DERA: variants seen among roughly 807,000 people sequenced by gnomAD.
DERA encodes the protein deoxyribose-phosphate aldolase.
In DERA, 15 loss-of-function variants were observed where a neutral mutation model predicts 41.1. The observed-to-expected ratio is 0.37, with a 90% confidence interval of 0.24 to 0.56. The LOEUF is 0.56. Ranked by LOEUF, DERA falls within the 20% of genes least tolerant of loss-of-function variation. The probability of loss-of-function intolerance (pLI) is 0.81; values close to 1 mark genes in which losing one functional copy is unlikely to be tolerated. For synonymous variants in DERA, 139 were observed against 137.4 expected, an observed-to-expected ratio of 1.01 and a Z score of -0.08; for missense variants, 396 against 403.4, an observed-to-expected ratio of 0.98 and a Z score of 0.16.
At position 15,989,587 on chromosome 12, in the gene DERA, T is replaced by C. The variant is rs1365202025; in HGVS notation, c.637+7151T>C. On this transcript the variant is annotated intron_variant, in intron 6 of 8. Transcript: ENST00000428559. This position sits in a 1 kb window ranked among gnomAD's most constrained non-coding sequence, Gnocchi z 5.2. ...TAATTTTTTAGTGCCTGAGTTTTAT[T>C]GTTATTTATAGCAGGAGGGCGAGTC... 6.6e-6 allele frequency among the ~76,000 whole-genome samples: 1 copy of C among 152,244 alleles called. No individual in the cohort carries two copies. Among genetic ancestry groups the C allele is most frequent in the Non-Finnish European group, 1.5e-5 (1 of 68,048 alleles).
At chr12:16,018,212 T>C (rs1948996425) in intron 6 of DERA, among the ~76,000 whole-genome samples, 2 of 152,316 alleles carry the variant, frequency 1.3e-5, no homozygotes, top group African/African-American at 4.8e-5. Flanking sequence ...TCTTCTTGTT[T>C]CTATGAAGTC....
At chr12:15,997,776 T>C (rs1029954797) in intron 6 of DERA, among the ~76,000 whole-genome samples, 2 of 152,218 alleles carry the variant, frequency 1.3e-5, no homozygotes, top group African/African-American at 4.8e-5. Context: ...ATTGAACTTT[T>C]GCCTGTCACC....
chr12:15,982,265 C>T lies in DERA; in HGVS notation c.509-43C>T. 6.3e-7 allele frequency: 1 copy of T among 1,587,914 alleles called. No homozygotes were observed. On this transcript the variant is annotated intron_variant, in intron 5 of 8. Transcript: ENST00000428559. This position sits in a 1 kb window ranked among gnomAD's most constrained non-coding sequence, Gnocchi z 4.0. Reference sequence around the variant, plus strand: ...CTAAACGGCTGCCAAGTTATGTTATCACTTGCCTGCTTTGTAACTGCCTCA... The same window carrying T: ...CTAAACGGCTGCCAAGTTATGTTATTACTTGCCTGCTTTGTAACTGCCTCA...
Position 16,001,884 on chromosome 12 carries a change from C to A in DERA, c.637+19448C>A, listed in dbSNP as rs575370676. ...TTGGGAGCTTAGAGAGGAAACAAACCCCGGTATGGACTTTTCAGACAAAAT... is the reference window on the plus strand; with the variant it reads ...TTGGGAGCTTAGAGAGGAAACAAACACCGGTATGGACTTTTCAGACAAAAT... On this transcript the variant is annotated intron_variant, in intron 6 of 8. Transcript: ENST00000428559. This position sits in a 1 kb window ranked among gnomAD's most constrained non-coding sequence, Gnocchi z 4.1. Among the ~76,000 whole-genome samples the A allele has an allele frequency of 4.1e-4, 63 of 152,156 alleles. No homozygotes were observed. Among genetic ancestry groups the A allele is most frequent in the African/African-American group, 1.5e-3 (61 of 41,512 alleles).
intron 1 of DERA, among the ~76,000 whole-genome samples, chr12:15,912,064 GA>G (rs1360314494): frequency 6.6e-6 from 1 of 150,734 alleles, no homozygotes; most frequent in Non-Finnish European, 1.5e-5. Flanking sequence ...GTTTCTCGCA[GA>G]GGGGGATTTG....
At chr12:15,929,497 C>G (rs563762335) in intron 1 of DERA, among the ~76,000 whole-genome samples, 1 of 152,104 alleles carries the variant, frequency 6.6e-6, no homozygotes, top group African/African-American at 2.4e-5. Context: ...AATATCAGCT[C>G]AAGCCCTGTC....
At chr12:15,919,450 G>T (rs189756447) in intron 1 of DERA, among the ~76,000 whole-genome samples, 1 of 152,248 alleles carries the variant, frequency 6.6e-6, no homozygotes, top group African/African-American at 2.4e-5. Context: ...GAGAGCTCTG[G>T]CCCTTTTAAA....
intron 1 of DERA, among the ~76,000 whole-genome samples, chr12:15,952,015 C>T (rs1948501623): frequency 6.6e-6 from 1 of 152,068 alleles, no homozygotes; most frequent in South Asian, 2.1e-4. Flanking sequence ...GATTCTTCTG[C>T]CTCAGTCCCC....
At position 15,928,497 on chromosome 12, in the gene DERA, A is replaced by G. The variant is rs1272229998; in HGVS notation, c.31+17083A>G. On this transcript the variant is annotated intron_variant, in intron 1 of 8. Coordinates refer to ENST00000428559, the MANE Select transcript of DERA (RefSeq NM_015954.4). The surrounding 1 kb of genome is among the most constrained non-coding windows in gnomAD (Gnocchi z 4.6). ...CATGCCATGTGCAAATTGTGAGCAC[A>G]GGAAAAGGCTAAGGGCTGAGATCAC... 6.6e-6 allele frequency among the ~76,000 whole-genome samples: 1 copy of G among 152,242 alleles called. No individual in the cohort carries two copies. The highest frequency in any genetic ancestry group is 1.5e-5 in the Non-Finnish European group (1 of 68,038).
chr12:15,964,113 A>C (rs1948607077), intron 5 of DERA, among the ~76,000 whole-genome samples: 1 of 152,112 alleles, frequency 6.6e-6, no homozygotes, highest in South Asian at 2.1e-4. Context: ...TTCTGCTGTT[A>C]ATGTCAAGGG....
chr12:16,011,245 G>A lies in DERA; in HGVS notation c.638-21297G>A, dbSNP rs535897934. ...CATATCTGGCTTATTTTGTTAAAAT[G>A]TTTCTTCATTTTACTCATCTTTGCC... On this transcript the variant is annotated intron_variant, in intron 6 of 8. Coordinates refer to ENST00000428559, the MANE Select transcript of DERA (RefSeq NM_015954.4). The surrounding 1 kb of genome is among the most constrained non-coding windows in gnomAD (Gnocchi z 4.7). Among the ~76,000 whole-genome samples the A allele has an allele frequency of 3.3e-5, 5 of 152,200 alleles. No individual in the cohort carries two copies. Among genetic ancestry groups the A allele is most frequent in the African/African-American group, 9.6e-5 (4 of 41,522 alleles).
rs568119045 is a variant in DERA, at chr12:16,017,129, A to G, written c.638-15413A>G. Among the ~76,000 whole-genome samples, 78 of 152,172 alleles carry G rather than the reference A, an allele frequency of 5.1e-4. 1 individual carries two copies. The highest frequency in any genetic ancestry group is 7.3e-5 in the Non-Finnish European group (5 of 68,036). On this transcript the variant is annotated intron_variant, in intron 6 of 8. Transcript: ENST00000428559. The surrounding 1 kb of genome is among the most constrained non-coding windows in gnomAD (Gnocchi z 5.5). ...AATCATACTGTTTTGCATTATTTTA[A>G]ATGGTTGCAACTTTATTTTTATTGA...
At position 16,028,463 on chromosome 12, in the gene DERA, T is replaced by C. The variant is rs142110409; in HGVS notation, c.638-4079T>C. Among the ~76,000 whole-genome samples, 352 of 152,332 alleles carry C rather than the reference T, an allele frequency of 2.3e-3. 1 individual carries two copies. Among genetic ancestry groups the C allele is most frequent in the Admixed American group, 3.7e-3 (57 of 15,304 alleles). On this transcript the variant is annotated intron_variant, in intron 6 of 8. Coordinates refer to ENST00000428559, the MANE Select transcript of DERA (RefSeq NM_015954.4). ...GGACACAAACCTTCCCATATAAAATTCCAAGTAATTATGTAGCCAAGCCCC... is the reference window on the plus strand; with the variant it reads ...GGACACAAACCTTCCCATATAAAATCCCAAGTAATTATGTAGCCAAGCCCC...
At position 15,988,031 on chromosome 12, in the gene DERA, G is replaced by A. The variant is rs538921728; in HGVS notation, c.637+5595G>A. Among the ~76,000 whole-genome samples the A allele has an allele frequency of 4.0e-4, 61 of 152,288 alleles. No individual in the cohort carries two copies. Among genetic ancestry groups the A allele is most frequent in the Admixed American group, 2.2e-3 (33 of 15,306 alleles). On this transcript the variant is annotated intron_variant, in intron 6 of 8. Coordinates refer to ENST00000428559, the MANE Select transcript of DERA (RefSeq NM_015954.4). This position sits in a 1 kb window ranked among gnomAD's most constrained non-coding sequence, Gnocchi z 6.0. ...TGTGGCTGGACCAGACGTACCACAAGCAGCTTCTGCTGTGGGCACCAGCAT... is the reference window on the plus strand; with the variant it reads ...TGTGGCTGGACCAGACGTACCACAAACAGCTTCTGCTGTGGGCACCAGCAT...
At position 15,984,023 on chromosome 12, in the gene DERA, C is replaced by G. The variant is rs138962310; in HGVS notation, c.637+1587C>G. Among the ~76,000 whole-genome samples the G allele has an allele frequency of 0.023, 3,434 of 152,256 alleles. 61 individuals carry two copies. Among genetic ancestry groups the G allele is most frequent in the Non-Finnish European group, 0.035 (2,394 of 68,012 alleles). On this transcript the variant is annotated intron_variant, in intron 6 of 8. Coordinates refer to ENST00000428559, the MANE Select transcript of DERA (RefSeq NM_015954.4). This position sits in a 1 kb window ranked among gnomAD's most constrained non-coding sequence, Gnocchi z 4.5. ...GGCTACTTGGTGTACAGGTAGCCCC[C>G]CTTTATGCTGCTTGCCAGCACAAGT... is the stretch of plus-strand genomic sequence containing the variant.
rs1353066102 is a variant in DERA, at chr12:16,000,087, T to G, written c.637+17651T>G. Among the ~76,000 whole-genome samples, 1 of 152,056 alleles carries G rather than the reference T, an allele frequency of 6.6e-6. No individual in the cohort carries two copies. The highest frequency in any genetic ancestry group is 2.4e-5 in the African/African-American group (1 of 41,368). ...GGGGGGCAAATTTGATTGTGCTTGG[T>G]GAGTGATTGCATGCTGAGCAGGGAA... On this transcript the variant is annotated intron_variant, in intron 6 of 8. Coordinates refer to ENST00000428559, the MANE Select transcript of DERA (RefSeq NM_015954.4). This position sits in a 1 kb window ranked among gnomAD's most constrained non-coding sequence, Gnocchi z 4.8.
chr12:16,017,167 C>T lies in DERA; in HGVS notation c.638-15375C>T, dbSNP rs1037990105. 1.3e-5 allele frequency among the ~76,000 whole-genome samples: 2 copies of T among 152,086 alleles called. No individual in the cohort carries two copies. The highest frequency in any genetic ancestry group is 2.4e-5 in the African/African-American group (1 of 41,408). ...TTATTTTTATTGAGGGGAAGGCATC[C>T]GGAAGAAATGTGGTTATCATAAGAT... On this transcript the variant is annotated intron_variant, in intron 6 of 8. Transcript: ENST00000428559. This position sits in a 1 kb window ranked among gnomAD's most constrained non-coding sequence, Gnocchi z 5.5.
chr12:15,936,959 C>CCTGTCCTGTCTTGTCCTGTCCCGTCCCGT lies in DERA; in HGVS notation c.32-19976_32-19975insTGTCCTGTCTTGTCCTGTCCCGTCCCGTC, dbSNP rs1565588788. ...TCTTGTCCTGTCCCGTCCTGTCCTG[C>CCTGTCCTGTCTTGTCCTGTCCCGTCCCGT]CCTGCCCTGCCCTGTCTTGTCTTTC... On this transcript the variant is annotated intron_variant, in intron 1 of 8. Coordinates refer to ENST00000428559, the MANE Select transcript of DERA (RefSeq NM_015954.4). The surrounding 1 kb of genome is among the most constrained non-coding windows in gnomAD (Gnocchi z 4.6). Among the ~76,000 whole-genome samples, 499 of 139,674 alleles carry CCTGTCCTGTCTTGTCCTGTCCCGTCCCGT rather than the reference C, an allele frequency of 3.6e-3. 8 individuals carry two copies. Among genetic ancestry groups the CCTGTCCTGTCTTGTCCTGTCCCGTCCCGT allele is most frequent in the African/African-American group, 0.014 (464 of 33,364 alleles). 91.6% of individuals were successfully genotyped at this position (139,674 alleles called of 152,430 possible).
intron 1 of DERA, among the ~76,000 whole-genome samples, chr12:15,923,123 C>T (rs201400736): frequency 6.8e-6 from 1 of 146,172 alleles, no homozygotes; most frequent in African/African-American, 2.5e-5. Context: ...CCCGGGTTCA[C>T]GCCATTCTCC....
Sources: gnomAD v4.1 joint callset for allele counts (sites outside exome capture counted in the v4.1 genomes callset) on GRCh38, gnomAD v4.1.1 for gene constraint, Gnocchi (gnomAD v3.1) non-coding constraint, MANE v1.5 for transcripts, NCBI Gene and HGNC (gene_info 2026-07-23, HGNC 2026-07-21) for gene names.